FBLN2: variants seen among roughly 807,000 people sequenced by gnomAD.
The protein encoded by FBLN2 is fibulin-2.
Under a neutral mutation model 123.7 loss-of-function variants are expected in FBLN2, and 81 were observed. The ratio of observed to expected loss-of-function variants is 0.65; its 90% CI spans 0.55 to 0.79. FBLN2 has a LOEUF of 0.79. Ranked by LOEUF, FBLN2 falls within the 30% of genes least tolerant of loss-of-function variation. FBLN2 has a pLI of 0.00. For missense variants in FBLN2, 1,603 were observed against 1,681.3 expected, an observed-to-expected ratio of 0.95 and a Z score of 0.81; for synonymous variants, 699 against 701.4, an observed-to-expected ratio of 1.00 and a Z score of 0.05.
chr3:13,550,719 G>A (rs1703299947), intron 1 of FBLN2, among the ~76,000 whole-genome samples: 1 of 152,134 alleles, frequency 6.6e-6, no homozygotes. Context: ...GAGGGAGGGG[G>A]AGCTACTCCC....
At chr3:13,549,264 A>C (rs1292325942) in intron 1 of FBLN2, 56 bp downstream of exon 1, 2 of 969,128 alleles carry the variant, frequency 2.1e-6, no homozygotes, top group African/African-American at 3.5e-5. Context: ...CGCGCCTCGC[A>C]GCTCAGGACT....
chr3:13,612,506 G>A (rs745793993), intron 4 of FBLN2, among the ~76,000 whole-genome samples: 3 of 151,752 alleles, frequency 2.0e-5, no homozygotes, highest in Non-Finnish European at 2.9e-5. Context: ...TCAGCCTCCC[G>A]AGTAGGTGGG....
chr3:13,620,350 G>C (rs982658593), intron 8 of FBLN2, among the ~76,000 whole-genome samples: 1 of 152,220 alleles, frequency 6.6e-6, no homozygotes, highest in Non-Finnish European at 1.5e-5. Flanking sequence ...AGAGGGGGAA[G>C]GGGAAGCAAT....
At chr3:13,588,165 A>G (rs181955507) in intron 2 of FBLN2, among the ~76,000 whole-genome samples, 78 of 152,292 alleles carry the variant, frequency 5.1e-4, no homozygotes, top group Non-Finnish European at 3.1e-4. Context: ...TTCTGTGTCT[A>G]GCTTTGTTTA....
chr3:13,588,993 A>G (rs193077286), intron 2 of FBLN2, among the ~76,000 whole-genome samples: 177 of 152,382 alleles, frequency 1.2e-3, no homozygotes, highest in African/African-American at 4.0e-3. Context: ...GCAGAAGTAT[A>G]GTCTCTTAGG....
At chr3:13,622,204 G>T (rs1252261845) in intron 9 of FBLN2, among the ~76,000 whole-genome samples, 1 of 152,164 alleles carries the variant, frequency 6.6e-6, no homozygotes, top group Non-Finnish European at 1.5e-5. Flanking sequence ...GGAAAATGAG[G>T]GGGTCAGACA....
intron 2 of FBLN2, among the ~76,000 whole-genome samples, chr3:13,607,756 A>T (rs1375957836): frequency 1.3e-5 from 2 of 151,978 alleles, no homozygotes; most frequent in African/African-American, 4.8e-5. Flanking sequence ...GTGAGGTCTG[A>T]CCCTGTGGGA....
chr3:13,588,683 C>T (rs1286914724), intron 2 of FBLN2, among the ~76,000 whole-genome samples: 1 of 152,210 alleles, frequency 6.6e-6, no homozygotes, highest in Non-Finnish European at 1.5e-5. Flanking sequence ...GCCCCACTGC[C>T]TGTTTACTTC....
intron 2 of FBLN2, among the ~76,000 whole-genome samples, chr3:13,582,879 T>C (rs948124709): frequency 5.9e-5 from 9 of 152,210 alleles, no homozygotes; most frequent in Non-Finnish European, 1.5e-5. Flanking sequence ...TTCAAACAGA[T>C]GTAGATGTGT....
intron 1 of FBLN2, among the ~76,000 whole-genome samples, chr3:13,569,897 G>T (rs182157439): frequency 1.3e-5 from 2 of 152,222 alleles, no homozygotes; most frequent in African/African-American, 2.4e-5. Flanking sequence ...GTGAGACAGC[G>T]TGTGTAACTG....
At chr3:13,549,477 G>T (rs535254351) in intron 1 of FBLN2, among the ~76,000 whole-genome samples, 1 of 151,772 alleles carries the variant, frequency 6.6e-6, no homozygotes, top group Non-Finnish European at 1.5e-5. Context: ...CCGCGGGCGG[G>T]TTCCCCCACC....
chr3:13,635,977 G>A (rs1292055370), intron 16 of FBLN2, among the ~76,000 whole-genome samples: 1 of 152,130 alleles, frequency 6.6e-6, no homozygotes, highest in Non-Finnish European at 1.5e-5. Context: ...CATCCTGGAG[G>A]GGGTGACTCA....
At position 13,579,851 on chromosome 3, in the gene FBLN2, T is replaced by G. The variant is rs140540613; in HGVS notation, c.1306+8190T>G. ...TCATTGACACATAACCACTAGAACC[T>G]GTCAGAAGCACACAACTCAAATGAA... On this transcript the variant is annotated intron_variant, in intron 2 of 17. Transcript: ENST00000404922. Among the ~76,000 whole-genome samples, 130 of 152,346 alleles carry G rather than the reference T, an allele frequency of 8.5e-4. 1 individual carries two copies. The highest frequency in any genetic ancestry group is 3.3e-3 in the South Asian group (16 of 4,832).
chr3:13,594,193 G>A (rs1397565036), intron 2 of FBLN2, among the ~76,000 whole-genome samples: 1 of 152,138 alleles, frequency 6.6e-6, no homozygotes, highest in Admixed American at 6.5e-5. Context: ...GGATACTGAG[G>A]GTGCGGTTAA....
chr3:13,597,855 G>A lies in FBLN2; in HGVS notation c.1307-10207G>A, dbSNP rs563193510. Reference sequence around the variant, plus strand: ...TGATGCTGTGAAGTCAACCGTGGCAGTGTGTTCTGAAGCTGGGATGTTGCT... The same window carrying A: ...TGATGCTGTGAAGTCAACCGTGGCAATGTGTTCTGAAGCTGGGATGTTGCT... On this transcript the variant is annotated intron_variant, in intron 2 of 17. Coordinates refer to ENST00000404922, the MANE Select transcript of FBLN2 (RefSeq NM_001004019.2). 2.6e-5 allele frequency among the ~76,000 whole-genome samples: 4 copies of A among 152,354 alleles called. No homozygotes were observed. The East Asian group carries it at 7.7e-4, about 29-fold the overall frequency.
chr3:13,565,306 T>A (rs1025131134), intron 1 of FBLN2, among the ~76,000 whole-genome samples: 1 of 152,258 alleles, frequency 6.6e-6, no homozygotes, highest in African/African-American at 2.4e-5. Context: ...GTCTGGAGCC[T>A]GCTCTTGTGT....
chr3:13,602,871 CTTCT>C (rs1375571259), intron 2 of FBLN2, among the ~76,000 whole-genome samples: 4 of 138,750 alleles, frequency 2.9e-5, no homozygotes, highest in Non-Finnish European at 6.2e-5. Context: ...ACTGTTGTTT[CTTCT>C]TTCTATTATT....
At chr3:13,593,581 G>A (rs1488883541) in intron 2 of FBLN2, among the ~76,000 whole-genome samples, 1 of 152,070 alleles carries the variant, frequency 6.6e-6, no homozygotes, top group Non-Finnish European at 1.5e-5. Context: ...GGGCGTGGTG[G>A]TGTGCCCCTG....
At chr3:13,562,887 T>C (rs925152846) in intron 1 of FBLN2, among the ~76,000 whole-genome samples, 2 of 152,238 alleles carry the variant, frequency 1.3e-5, no homozygotes, top group African/African-American at 2.4e-5. Flanking sequence ...ACACAGGATT[T>C]GTCCTTTGGT....
Sources: allele counts gnomAD v4.1 joint callset (sites outside exome capture counted in the v4.1 genomes callset), GRCh38; gene constraint gnomAD v4.1.1; transcripts MANE v1.5; gene names NCBI Gene and HGNC (gene_info 2026-07-23, HGNC 2026-07-21).